FHIT: variants seen among roughly 807,000 people sequenced by gnomAD.
FHIT encodes the protein bis(5'-adenosyl)-triphosphatase.
Under a neutral mutation model 17.9 loss-of-function variants are expected in FHIT, and 19 were observed. That is an observed-to-expected ratio of 1.06 (90% CI 0.74 to 1.56). FHIT has a LOEUF of 1.56. Ranked by LOEUF, FHIT falls within the 40% of genes most tolerant of loss-of-function variation. FHIT has a pLI of 0.00. For missense variants in FHIT, 248 were observed against 189.2 expected (o/e 1.31, Z -1.82); for synonymous variants, 81 against 69.7 (o/e 1.16, Z -0.81).
intron 5 of FHIT, among the ~76,000 whole-genome samples, chr3:60,053,900 T>C (rs114090539): frequency 0.013 from 2,046 of 152,254 alleles, 45 homozygotes; most frequent in African/African-American, 0.047. Context: ...CAGACAGACA[T>C]ATGCGAATTC....
chr3:60,300,451 T>C (rs537481297), intron 5 of FHIT, among the ~76,000 whole-genome samples: 4 of 152,230 alleles, frequency 2.6e-5, no homozygotes, highest in Admixed American at 2.0e-4. Context: ...GGAAAGATGG[T>C]CAGCTACTAG....
chr3:59,893,569 C>T lies in FHIT; in HGVS notation c.348+28777G>A, dbSNP rs916807795. ...CAGCAATATGGCAACATTATAAGTG[C>T]GCTGAACAGCATTTTTGTAGGAAGT... is the stretch of plus-strand genomic sequence containing the variant. On this transcript the variant is annotated intron_variant, in intron 8 of 9. Transcript: ENST00000492590. Among the ~76,000 whole-genome samples, 5 of 152,292 alleles carry T rather than the reference C, an allele frequency of 3.3e-5. No homozygotes were observed. In the East Asian group the frequency reaches 7.7e-4, roughly 24 times the overall value.
At chr3:61,078,420 C>CA (rs1439682723) in intron 2 of FHIT, among the ~76,000 whole-genome samples, 2 of 151,638 alleles carry the variant, frequency 1.3e-5, no homozygotes, top group Admixed American at 6.6e-5. Context: ...TCTTTGCTAC[C>CA]AAAAAAGGGG....
intron 2 of FHIT, among the ~76,000 whole-genome samples, chr3:61,153,480 G>A (rs2037452526): frequency 6.6e-6 from 1 of 152,164 alleles, no homozygotes; most frequent in Non-Finnish European, 1.5e-5. Context: ...AGTCAAAATT[G>A]CCAGATTTCT....
intron 5 of FHIT, among the ~76,000 whole-genome samples, chr3:60,080,271 C>A (rs771565111): frequency 2.0e-5 from 3 of 151,974 alleles, no homozygotes; most frequent in Admixed American, 6.6e-5. Flanking sequence ...ACAATGCTTG[C>A]GATTCAGGGT....
At chr3:60,456,737 C>G (rs1435217455) in intron 5 of FHIT, among the ~76,000 whole-genome samples, 1 of 152,098 alleles carries the variant, frequency 6.6e-6, no homozygotes, top group Non-Finnish European at 1.5e-5. Context: ...ACATCTTACC[C>G]AAATCCATCC....
intron 4 of FHIT, among the ~76,000 whole-genome samples, chr3:60,737,005 A>G (rs2108000537): frequency 6.6e-6 from 1 of 152,354 alleles, no homozygotes; most frequent in Non-Finnish European, 1.5e-5. Flanking sequence ...AAATTACCAA[A>G]TAGATTTTCC....
chr3:59,834,332 G>C (rs1348811762), intron 8 of FHIT, among the ~76,000 whole-genome samples: 1 of 152,162 alleles, frequency 6.6e-6, no homozygotes, highest in African/African-American at 2.4e-5. Flanking sequence ...GCCTGGCAGA[G>C]TATATTTGTT....
intron 5 of FHIT, among the ~76,000 whole-genome samples, chr3:60,027,402 T>C (rs932436025): frequency 2.6e-5 from 4 of 152,120 alleles, no homozygotes; most frequent in Non-Finnish European, 4.4e-5. Context: ...TAAAAACATG[T>C]CTTTGACAAC....
rs865816911 is a variant in FHIT at position 60,482,414 on chromosome 3, C to T, written c.103+54446G>A. 1.4e-4 allele frequency among the ~76,000 whole-genome samples: 21 copies of T among 152,178 alleles called. 1 individual carries two copies. The highest frequency in any genetic ancestry group is 6.8e-3 in the Middle Eastern group (2 of 294). On this transcript the variant is annotated intron_variant, in intron 5 of 9. Coordinates refer to ENST00000492590, the MANE Select transcript of FHIT (RefSeq NM_002012.4). ...GTTCCACGTGGCATTATTCTAAAAT[C>T]GACCACATAATTTGAAGTAAAACAC...
chr3:60,614,611 T>C (rs1013898243), intron 4 of FHIT, among the ~76,000 whole-genome samples: 2 of 147,296 alleles, frequency 1.4e-5, no homozygotes, highest in African/African-American at 5.0e-5. Flanking sequence ...TCAAAAAAAA[T>C]TAATAAATAA....
chr3:60,672,980 C>G (rs1056963112), intron 4 of FHIT, among the ~76,000 whole-genome samples: 2 of 150,672 alleles, frequency 1.3e-5, no homozygotes, highest in Admixed American at 6.6e-5. Flanking sequence ...ATTATACTAT[C>G]TCATGTAAAA....
intron 4 of FHIT, among the ~76,000 whole-genome samples, chr3:60,685,078 C>G (rs1553698060): frequency 6.6e-6 from 1 of 152,060 alleles, no homozygotes; most frequent in African/African-American, 2.4e-5. Context: ...TAAAGTAACC[C>G]TTATCTTCCT....
At chr3:60,193,811 G>A (rs997789518) in intron 5 of FHIT, among the ~76,000 whole-genome samples, 3 of 152,150 alleles carry the variant, frequency 2.0e-5, no homozygotes, top group African/African-American at 4.8e-5. Context: ...GAACATGGGG[G>A]CAGGAAAGGA....
intron 5 of FHIT, among the ~76,000 whole-genome samples, chr3:60,508,754 T>C (rs1057115981): frequency 6.6e-6 from 1 of 152,144 alleles, no homozygotes; most frequent in Non-Finnish European, 1.5e-5. Flanking sequence ...GGGTGTTTTC[T>C]TTGACATCTT....
chr3:61,092,820 A>C (rs1438861338), intron 2 of FHIT, among the ~76,000 whole-genome samples: 1 of 152,192 alleles, frequency 6.6e-6, no homozygotes, highest in Non-Finnish European at 1.5e-5. Flanking sequence ...GAAAGGATTG[A>C]CAATAAAAGC....
At chr3:59,941,323 T>C (rs892202985) in intron 7 of FHIT, among the ~76,000 whole-genome samples, 17 of 152,206 alleles carry the variant, frequency 1.1e-4, no homozygotes, top group South Asian at 4.1e-4. Context: ...TGAGCCACAA[T>C]GCAGGTCCAG....
chr3:60,103,137 C>A (rs370356544), intron 5 of FHIT, among the ~76,000 whole-genome samples: 9 of 152,158 alleles, frequency 5.9e-5, no homozygotes, highest in African/African-American at 2.2e-4. Flanking sequence ...CCTCTCTGGG[C>A]AGCTCTCTCT....
At chr3:60,741,289 A>T (rs1553713801) in intron 4 of FHIT, among the ~76,000 whole-genome samples, 1 of 152,110 alleles carries the variant, frequency 6.6e-6, no homozygotes, top group African/African-American at 2.4e-5. Flanking sequence ...GTGCCAAGTT[A>T]TTTCTCATCC....
Sources: allele counts gnomAD v4.1 joint callset (sites outside exome capture counted in the v4.1 genomes callset), GRCh38; gene constraint gnomAD v4.1.1; transcripts MANE v1.5; gene names NCBI Gene and HGNC (gene_info 2026-07-23, HGNC 2026-07-21).